The following SNX29 variants were observed in gnomAD, a reference collection of about 807,000 sequenced individuals.
SNX29 encodes the protein sorting nexin-29.
SNX29 carries 78 observed loss-of-function variants against 102.1 expected under a neutral mutation model. The observed-to-expected ratio is 0.76, with a 90% CI of 0.64 to 0.92. The LOEUF is 0.92. SNX29 is among the 40% of genes least tolerant of loss of function. The probability of loss-of-function intolerance (pLI) is 0.00; values close to 1 mark genes in which losing one functional copy is unlikely to be tolerated. For synonymous variants in SNX29, 580 were observed against 414.5 expected, an observed-to-expected ratio of 1.40 and a Z score of -4.85; for missense variants, 1,280 against 1,061.7, an observed-to-expected ratio of 1.21 and a Z score of -2.86.
chr16:12,565,654 C>T (rs1221013481), intron 20 of SNX29, among the ~76,000 whole-genome samples: 2 of 152,236 alleles, frequency 1.3e-5, no homozygotes, highest in African/African-American at 4.8e-5. Flanking sequence ...AGCCTCGTGA[C>T]AGCTCAGTGC....
chr16:12,462,416 A>G (rs958712759), intron 18 of SNX29, among the ~76,000 whole-genome samples: 1 of 152,170 alleles, frequency 6.6e-6, no homozygotes, highest in Non-Finnish European at 1.5e-5. Context: ...CAGGAGTCCC[A>G]CTTAACTTGA....
chr16:12,085,352 C>T (rs971378670), intron 11 of SNX29, among the ~76,000 whole-genome samples: 28 of 152,158 alleles, frequency 1.8e-4, no homozygotes, highest in African/African-American at 6.5e-4. Flanking sequence ...TTTTGGACGG[C>T]GTCTCGCTCT....
At chr16:12,009,379 T>C (rs1271703415) in intron 3 of SNX29, among the ~76,000 whole-genome samples, 2 of 152,080 alleles carry the variant, frequency 1.3e-5, no homozygotes, top group African/African-American at 4.8e-5. Flanking sequence ...CATGTTTTTG[T>C]ATGTGTGTGT....
At chr16:12,106,441 T>A (rs905023583) in intron 11 of SNX29, among the ~76,000 whole-genome samples, 2 of 152,048 alleles carry the variant, frequency 1.3e-5, no homozygotes, top group South Asian at 2.1e-4. Flanking sequence ...AGAGCGGAGA[T>A]AAGGCCCCCT....
intron 15 of SNX29, among the ~76,000 whole-genome samples, chr16:12,284,867 G>C (rs977322466): frequency 3.3e-5 from 5 of 152,014 alleles, no homozygotes; most frequent in African/African-American, 1.2e-4. Context: ...TGAGATTACA[G>C]ATGCGTGCCA....
At chr16:11,978,347 G>T (rs1227575251) in intron 1 of SNX29, among the ~76,000 whole-genome samples, 1 of 152,228 alleles carries the variant, frequency 6.6e-6, no homozygotes, top group Non-Finnish European at 1.5e-5. Context: ...GACATCCTGG[G>T]TTCAAATCTT....
chr16:12,054,430 A>C (rs148716678), intron 8 of SNX29, among the ~76,000 whole-genome samples: 2 of 152,306 alleles, frequency 1.3e-5, no homozygotes, highest in African/African-American at 4.8e-5. Context: ...GAAGTGTTTG[A>C]ATTGGTGGAC....
At chr16:12,260,301 G>C (rs948318994) in intron 14 of SNX29, among the ~76,000 whole-genome samples, 5 of 152,182 alleles carry the variant, frequency 3.3e-5, no homozygotes, top group Admixed American at 1.3e-4. Flanking sequence ...CTGGAGCAGG[G>C]ATACATTCTG....
intron 4 of SNX29, among the ~76,000 whole-genome samples, chr16:12,032,417 A>C (rs1182846175): frequency 6.6e-6 from 1 of 152,018 alleles, no homozygotes; most frequent in Non-Finnish European, 1.5e-5. Context: ...TATGTTGGCC[A>C]GGCTGGTCTC....
At chr16:12,384,335 C>G (rs1379832385) in intron 16 of SNX29, among the ~76,000 whole-genome samples, 2 of 152,204 alleles carry the variant, frequency 1.3e-5, no homozygotes. Flanking sequence ...ACATTCCCAT[C>G]AACAGTGTAC....
At position 12,307,676 on chromosome 16, in the gene SNX29, C is replaced by T. The variant is rs2080382896; in HGVS notation, c.1782+29640C>T. Among the ~76,000 whole-genome samples the T allele has an allele frequency of 1.3e-5, 2 of 152,200 alleles. 1 individual carries two copies. Among genetic ancestry groups the T allele is most frequent in the South Asian group, 4.1e-4 (2 of 4,832 alleles). On this transcript the variant is annotated intron_variant, in intron 15 of 20. Coordinates refer to ENST00000566228, the MANE Select transcript of SNX29 (RefSeq NM_032167.5). ...TGAATGGTCTTGGATTTGCCGAAGC[C>T]TGGAATGGCGTGGAGAATCTGTCTT...
intron 18 of SNX29, among the ~76,000 whole-genome samples, chr16:12,438,312 C>A (rs1263309782): frequency 6.6e-6 from 1 of 152,186 alleles, no homozygotes; most frequent in Non-Finnish European, 1.5e-5. Context: ...GAAACTTTGA[C>A]CTAATTTGAG....
chr16:12,398,888 G>T (rs925097852), intron 17 of SNX29, among the ~76,000 whole-genome samples: 5 of 152,088 alleles, frequency 3.3e-5, no homozygotes, highest in African/African-American at 2.4e-5. Context: ...CACAGTTCCC[G>T]CTCTTTGCTG....
intron 15 of SNX29, among the ~76,000 whole-genome samples, chr16:12,295,106 A>G (rs1007249700): frequency 1.3e-5 from 2 of 152,202 alleles, no homozygotes; most frequent in Middle Eastern, 3.2e-3. Context: ...CAGTGATTCA[A>G]TTATCCCCCC....
chr16:12,306,935 T>C (rs1305728350), intron 15 of SNX29, among the ~76,000 whole-genome samples: 1 of 152,062 alleles, frequency 6.6e-6, no homozygotes, highest in East Asian at 1.9e-4. Context: ...GAACACAAGC[T>C]TCAGGGCTGC....
intron 15 of SNX29, among the ~76,000 whole-genome samples, chr16:12,339,670 G>C (rs555315682): frequency 2.0e-5 from 3 of 152,192 alleles, no homozygotes; most frequent in African/African-American, 7.2e-5. Context: ...TCTTAGGAAG[G>C]CTTTCTCTAT....
chr16:12,534,549 G>A (rs1332202193), intron 20 of SNX29, among the ~76,000 whole-genome samples: 2 of 152,194 alleles, frequency 1.3e-5, no homozygotes, highest in Admixed American at 6.5e-5. Flanking sequence ...GTCAGTTCAG[G>A]GAAATTGGTC....
intron 14 of SNX29, among the ~76,000 whole-genome samples, chr16:12,265,404 G>A (rs371583316): frequency 6.6e-6 from 1 of 152,128 alleles, no homozygotes; most frequent in Non-Finnish European, 1.5e-5. Flanking sequence ...AGCTGTCCCC[G>A]TGGATGCGTT....
intron 13 of SNX29, among the ~76,000 whole-genome samples, chr16:12,132,931 A>T (rs552568579): frequency 6.6e-6 from 1 of 152,346 alleles, no homozygotes; most frequent in East Asian, 1.9e-4. Context: ...CAGTGGTCAG[A>T]ACTTTCTTCT....
Sources: allele counts gnomAD v4.1 joint callset (sites outside exome capture counted in the v4.1 genomes callset), GRCh38; gene constraint gnomAD v4.1.1; transcripts MANE v1.5; gene names NCBI Gene and HGNC (gene_info 2026-07-23, HGNC 2026-07-21).